The following NCAM2 variants were observed in gnomAD, a reference collection of about 807,000 sequenced individuals.
NCAM2 encodes the protein N-CAM-2.
A neutral mutation model predicts 98.1 loss-of-function variants in NCAM2; 30 were observed. The ratio of observed to expected loss-of-function variants is 0.31; its 90% CI spans 0.23 to 0.41. NCAM2 has a LOEUF of 0.41. Ranked by LOEUF, NCAM2 falls within the 10% of genes least tolerant of loss-of-function variation. NCAM2 has a pLI of 1.00. For synonymous variants in NCAM2, 368 were observed against 342.4 expected (o/e 1.07, Z -0.83); for missense variants, 867 against 1,005.8 (o/e 0.86, Z 1.87).
chr21:21,054,468 C>G (rs1445513612), intron 1 of NCAM2, among the ~76,000 whole-genome samples: 2 of 151,964 alleles, frequency 1.3e-5, no homozygotes, highest in Non-Finnish European at 2.9e-5. Context: ...TACTCAAATA[C>G]TAGCTCATGA....
chr21:21,435,926 G>T (rs758768445), intron 12 of NCAM2, among the ~76,000 whole-genome samples: 29 of 152,142 alleles, frequency 1.9e-4, no homozygotes, highest in Non-Finnish European at 3.2e-4. Flanking sequence ...ATGTAAATAT[G>T]TAACTGTAAG....
chr21:21,356,844 G>T (rs992224068), intron 8 of NCAM2, among the ~76,000 whole-genome samples: 1 of 152,000 alleles, frequency 6.6e-6, no homozygotes, highest in Non-Finnish European at 1.5e-5. Flanking sequence ...TACAAAATTA[G>T]CAGGGCGTGG....
At chr21:21,251,744 G>GT (rs3037910) in intron 1 of NCAM2, among the ~76,000 whole-genome samples, 5,837 of 143,496 alleles carry the variant, frequency 0.041, 296 homozygotes, top group African/African-American at 0.11. Context: ...ACTTTTTGAT[G>GT]TTTTTTTTTT....
At chr21:21,368,631 G>A (rs959595912) in intron 8 of NCAM2, among the ~76,000 whole-genome samples, 1 of 151,752 alleles carries the variant, frequency 6.6e-6, no homozygotes, top group Non-Finnish European at 1.5e-5. Flanking sequence ...TTCTTATATG[G>A]TGCATGGGAC....
intron 5 of NCAM2, among the ~76,000 whole-genome samples, chr21:21,322,205 C>T (rs959829481): frequency 4.6e-5 from 7 of 152,104 alleles, no homozygotes; most frequent in Admixed American, 6.6e-5. Context: ...TAAGCAAATT[C>T]ACACAGGAAC....
chr21:21,528,725 T>A (rs535192771), intron 16 of NCAM2, among the ~76,000 whole-genome samples: 79 of 152,302 alleles, frequency 5.2e-4, no homozygotes, highest in Middle Eastern at 6.8e-3. Context: ...CATATTCACA[T>A]GTGTGTCTGG....
chr21:21,324,086 G>A (rs2074446215), intron 5 of NCAM2, among the ~76,000 whole-genome samples: 1 of 152,108 alleles, frequency 6.6e-6, no homozygotes, highest in South Asian at 2.1e-4. Context: ...GCTTTACAAT[G>A]AATTGATATA....
intron 4 of NCAM2, among the ~76,000 whole-genome samples, chr21:21,290,907 T>C (rs929685751): frequency 6.6e-6 from 1 of 151,792 alleles, no homozygotes; most frequent in African/African-American, 2.4e-5. Context: ...GCAGCAGAGG[T>C]ATAGGCAGGA....
chr21:21,188,649 T>G (rs2068718035), intron 1 of NCAM2, among the ~76,000 whole-genome samples: 1 of 152,112 alleles, frequency 6.6e-6, no homozygotes, highest in Non-Finnish European at 1.5e-5. Flanking sequence ...CTTGGATTTT[T>G]AAATCATGAA....
intron 1 of NCAM2, among the ~76,000 whole-genome samples, chr21:21,256,100 A>ATATT (rs1394310841): frequency 1.3e-5 from 2 of 152,206 alleles, no homozygotes; most frequent in Admixed American, 6.5e-5. Context: ...CACGCCTGTA[A>ATATT]TCCTAGCACT....
At chr21:21,167,158 G>T (rs1187661352) in intron 1 of NCAM2, among the ~76,000 whole-genome samples, 1 of 151,980 alleles carries the variant, frequency 6.6e-6, no homozygotes, top group Non-Finnish European at 1.5e-5. Context: ...GGGTGAGTGG[G>T]TGGGAATTAA....
intron 11 of NCAM2, among the ~76,000 whole-genome samples, chr21:21,430,813 C>T (rs1271683637): frequency 6.6e-6 from 1 of 151,804 alleles, no homozygotes; most frequent in Non-Finnish European, 1.5e-5. Context: ...TTTGGGAGGC[C>T]AAGGTGGGCA....
At chr21:21,028,757 C>A (rs1199347268) in intron 1 of NCAM2, among the ~76,000 whole-genome samples, 1 of 152,160 alleles carries the variant, frequency 6.6e-6, no homozygotes, top group Non-Finnish European at 1.5e-5. Flanking sequence ...TTCTAATACT[C>A]TTCTGTAAAA....
intron 12 of NCAM2, among the ~76,000 whole-genome samples, chr21:21,441,009 A>G (rs564920074): frequency 1.3e-5 from 2 of 152,332 alleles, no homozygotes; most frequent in East Asian, 3.9e-4. Context: ...AATTAATGAA[A>G]TTCTTCATAA....
At chr21:21,063,328 C>G (rs2065362310) in intron 1 of NCAM2, among the ~76,000 whole-genome samples, 2 of 134,914 alleles carry the variant, frequency 1.5e-5, no homozygotes, top group Admixed American at 1.8e-4. Context: ...AAGTGATTCT[C>G]TTGCCTCTCA....
chr21:21,251,576 T>G (rs2071472748), intron 1 of NCAM2, among the ~76,000 whole-genome samples: 1 of 152,156 alleles, frequency 6.6e-6, no homozygotes, highest in Non-Finnish European at 1.5e-5. Flanking sequence ...TTGAGTTGGT[T>G]ACAAGACTCT....
intron 15 of NCAM2, among the ~76,000 whole-genome samples, chr21:21,489,029 C>T (rs1602485975): frequency 6.6e-6 from 1 of 151,976 alleles, no homozygotes; most frequent in African/African-American, 2.4e-5. Context: ...CTTGCTCTGT[C>T]GCCCAAGCTG....
At chr21:21,529,555 A>T (rs910216375) in intron 16 of NCAM2, among the ~76,000 whole-genome samples, 6 of 152,020 alleles carry the variant, frequency 3.9e-5, no homozygotes, top group Non-Finnish European at 7.4e-5. Context: ...TAACCACAGT[A>T]TACCCTTTTA....
intron 16 of NCAM2, among the ~76,000 whole-genome samples, chr21:21,530,639 G>A (rs1989641346): frequency 6.6e-6 from 1 of 151,430 alleles, no homozygotes; most frequent in Non-Finnish European, 1.5e-5. Context: ...TAGAAATGCA[G>A]CTGCAATAAT....
Sources: allele counts gnomAD v4.1 joint callset (sites outside exome capture counted in the v4.1 genomes callset), GRCh38; gene constraint gnomAD v4.1.1; transcripts MANE v1.5; gene names NCBI Gene and HGNC (gene_info 2026-07-23, HGNC 2026-07-21).